The following RARB variants were observed in gnomAD, a reference collection of about 807,000 sequenced individuals.
RARB encodes HBV-activated protein.
RARB carries 17 observed loss-of-function variants against 51.9 expected under a neutral mutation model. The observed-to-expected ratio is 0.33, with a 90% confidence interval of 0.22 to 0.49. RARB has a LOEUF of 0.49. Ranked by LOEUF, RARB falls within the 20% of genes least tolerant of loss-of-function variation. The pLI is 0.99. For synonymous variants in RARB, 215 were observed against 195.4 expected, an observed-to-expected ratio of 1.10 and a Z score of -0.84; for missense variants, 369 against 550.8, an observed-to-expected ratio of 0.67 and a Z score of 3.30.
chr3:25,150,873 A>G (rs967379348), intron 4 of RARB, among the ~76,000 whole-genome samples: 1 of 152,204 alleles, frequency 6.6e-6, no homozygotes, highest in East Asian at 1.9e-4. Context: ...AACGGTGTGC[A>G]TGGGAATAGT....
chr3:25,234,334 C>T (rs1466759916), intron 5 of RARB, among the ~76,000 whole-genome samples: 7 of 152,084 alleles, frequency 4.6e-5, no homozygotes, highest in Non-Finnish European at 5.9e-5. Flanking sequence ...AGTTATTAGA[C>T]TTTGTGTCTG....
intron 2 of RARB, among the ~76,000 whole-genome samples, chr3:24,959,034 G>T (rs1696083242): frequency 1.3e-5 from 2 of 152,196 alleles, no homozygotes; most frequent in South Asian, 4.1e-4. Flanking sequence ...CCCCACAGTA[G>T]CTTCTGGAAA....
chr3:25,209,394 C>T (rs1472038843), intron 5 of RARB, among the ~76,000 whole-genome samples: 5 of 152,212 alleles, frequency 3.3e-5, no homozygotes, highest in African/African-American at 7.2e-5. Context: ...TCTTCTCTTT[C>T]AGAAGCATAT....
chr3:25,380,532 T>G (rs937382322), intron 5 of RARB, among the ~76,000 whole-genome samples: 6 of 152,152 alleles, frequency 3.9e-5, no homozygotes, highest in Admixed American at 2.6e-4. Context: ...TATTTCCCCC[T>G]CTTTCCTCCA....
chr3:25,318,425 A>G (rs1035002346), intron 5 of RARB, among the ~76,000 whole-genome samples: 1 of 152,226 alleles, frequency 6.6e-6, no homozygotes, highest in Non-Finnish European at 1.5e-5. Context: ...GCGACACTTC[A>G]ATTTTATTGA....
chr3:24,866,132 G>A (rs2125345630), intron 2 of RARB, among the ~76,000 whole-genome samples: 1 of 152,174 alleles, frequency 6.6e-6, no homozygotes, highest in East Asian at 1.9e-4. Context: ...CTAACTCCTA[G>A]GCTGACGTTC....
chr3:24,895,645 G>C lies in RARB; in HGVS notation c.-380+36893G>C, dbSNP rs1358014842. Reference sequence around the variant, plus strand: ...TTTTTTTTCCTTGAGAAGGAGTCTCGCTCTTTCACCCAGGCTGGGTCTTTA... The same window carrying C: ...TTTTTTTTCCTTGAGAAGGAGTCTCCCTCTTTCACCCAGGCTGGGTCTTTA... On this transcript the variant is annotated intron_variant, in intron 2 of 11. Coordinates refer to the RARB transcript ENST00000383772. 3.4e-5 allele frequency among the ~76,000 whole-genome samples: 5 copies of C among 148,686 alleles called. 1 individual carries two copies. The highest frequency in any genetic ancestry group is 1.3e-4 in the African/African-American group (5 of 39,858).
chr3:25,151,442 G>A (rs1700285014), intron 4 of RARB, among the ~76,000 whole-genome samples: 1 of 152,202 alleles, frequency 6.6e-6, no homozygotes, highest in South Asian at 2.1e-4. Flanking sequence ...GTACCAGGAA[G>A]AAATCCACCA....
At chr3:25,112,621 A>T (rs4858708) in intron 3 of RARB, among the ~76,000 whole-genome samples, 78,547 of 151,586 alleles carry the variant, frequency 0.52, 20,651 homozygotes, top group East Asian at 0.66. Flanking sequence ...TACAAATAAT[A>T]AAAAAAATTA....
At chr3:25,562,598 C>T (rs558843230) in intron 3 of RARB, among the ~76,000 whole-genome samples, 15 of 152,224 alleles carry the variant, frequency 9.9e-5, no homozygotes, top group African/African-American at 3.6e-4. Context: ...TGTTGAGTTC[C>T]TACTTTTATA....
chr3:25,338,829 A>G (rs1705138459), intron 5 of RARB, among the ~76,000 whole-genome samples: 1 of 152,076 alleles, frequency 6.6e-6, no homozygotes, highest in Admixed American at 6.6e-5. Flanking sequence ...AGTGGCCACT[A>G]CCCTGAGCCT....
At chr3:25,259,186 T>C (rs998812970) in intron 5 of RARB, 5 of 662,458 alleles carry the variant, frequency 7.5e-6, no homozygotes, top group Middle Eastern at 1.5e-3. Flanking sequence ...GCAAATCCAC[T>C]GTGGAAGAGA....
intron 5 of RARB, among the ~76,000 whole-genome samples, chr3:25,303,945 C>T (rs560636010): frequency 2.7e-4 from 41 of 152,274 alleles, no homozygotes; most frequent in African/African-American, 9.9e-4. Flanking sequence ...CAATATACTC[C>T]TGAGGCTTGG....
chr3:25,547,165 G>A (rs1383148391), intron 3 of RARB, among the ~76,000 whole-genome samples: 1 of 152,166 alleles, frequency 6.6e-6, no homozygotes, highest in Non-Finnish European at 1.5e-5. Flanking sequence ...CCTGCAGGCA[G>A]ACACACATGG....
At chr3:25,472,821 G>A (rs1695763030) in intron 2 of RARB, among the ~76,000 whole-genome samples, 1 of 152,178 alleles carries the variant, frequency 6.6e-6, no homozygotes, top group South Asian at 2.1e-4. Flanking sequence ...ACCTTTATCA[G>A]GGGTTAGATT....
At chr3:25,111,177 C>A (rs970287048) in intron 3 of RARB, among the ~76,000 whole-genome samples, 1 of 152,070 alleles carries the variant, frequency 6.6e-6, no homozygotes, top group Non-Finnish European at 1.5e-5. Flanking sequence ...AATCCTAATA[C>A]TATTTTGATT....
At chr3:24,844,192 G>A (rs1702457581) in intron 1 of RARB, among the ~76,000 whole-genome samples, 1 of 152,166 alleles carries the variant, frequency 6.6e-6, no homozygotes, top group African/African-American at 2.4e-5. Context: ...TGGGGAGGAG[G>A]GGTTTGCTCT....
chr3:25,585,914 T>C (rs1701366970), intron 5 of RARB, among the ~76,000 whole-genome samples: 1 of 152,046 alleles, frequency 6.6e-6, no homozygotes, highest in African/African-American at 2.4e-5. Flanking sequence ...ATTCAACAGG[T>C]TGGGCAAGCT....
At chr3:25,405,193 C>CT (rs1205072413) in intron 5 of RARB, among the ~76,000 whole-genome samples, 1 of 152,106 alleles carries the variant, frequency 6.6e-6, no homozygotes, top group Non-Finnish European at 1.5e-5. Context: ...TCATTGAAAG[C>CT]TTTTTCTTTT....
Sources: gnomAD v4.1 joint callset for allele counts (sites outside exome capture counted in the v4.1 genomes callset) on GRCh38, gnomAD v4.1.1 for gene constraint, MANE v1.5 for transcripts, NCBI Gene and HGNC (gene_info 2026-07-23, HGNC 2026-07-21) for gene names.